The following MDGA2 variants were observed in gnomAD, a reference collection of about 807,000 sequenced individuals.
MDGA2 encodes MAM domain containing glycosylphosphatidylinositol anchor 2, also known as MAM domain-containing glycosylphosphatidylinositol anchor protein 2.
MDGA2 carries 40 observed loss-of-function variants against 117.8 expected under a neutral mutation model. That is an observed-to-expected ratio of 0.34 (90% confidence interval 0.26 to 0.44). The LOEUF (loss-of-function observed/expected upper bound fraction) is 0.44, where lower values mean the gene tolerates loss of function less well. Among genes scored for constraint, MDGA2 ranks in the 20% least tolerant of loss-of-function variants. The pLI, the probability that MDGA2 is intolerant of heterozygous loss-of-function variation, is 1.00. For missense variants in MDGA2, 1,123 were observed against 1,250.6 expected (o/e 0.90, Z 1.54); for synonymous variants, 452 against 439.0 (o/e 1.03, Z -0.37).
At chr14:47,225,362 G>T (rs866784100) in intron 2 of MDGA2, among the ~76,000 whole-genome samples, 8 of 151,410 alleles carry the variant, frequency 5.3e-5, no homozygotes, top group Non-Finnish European at 1.0e-4. Context: ...ACATGCACAC[G>T]TATGTTTATT....
intron 2 of MDGA2, among the ~76,000 whole-genome samples, chr14:47,289,304 TACACACACACACACACACAC>T (rs3039467): frequency 1.4e-5 from 2 of 140,512 alleles, no homozygotes; most frequent in African/African-American, 2.7e-5. Context: ...TTTCTGGACT[TACACACACACACACACACAC>T]ACACACACAC....
chr14:47,108,032 G>C (rs1385882602), intron 5 of MDGA2, among the ~76,000 whole-genome samples: 20 of 147,682 alleles, frequency 1.4e-4, no homozygotes, highest in Non-Finnish European at 2.8e-4. Context: ...CAGGCTCTTG[G>C]TATTCAGTGA....
intron 1 of MDGA2, among the ~76,000 whole-genome samples, chr14:47,309,732 T>C (rs1056540523): frequency 6.6e-6 from 1 of 152,126 alleles, no homozygotes; most frequent in Non-Finnish European, 1.5e-5. Flanking sequence ...TAATTTAAGT[T>C]AAATTTTAAT....
intron 1 of MDGA2, among the ~76,000 whole-genome samples, chr14:47,500,560 T>G (rs558371303): frequency 6.6e-6 from 1 of 152,102 alleles, no homozygotes; most frequent in East Asian, 1.9e-4. Context: ...TTTGGACTCT[T>G]GGGAGGATAC....
At chr14:47,415,846 G>A (rs1267133348) in intron 1 of MDGA2, among the ~76,000 whole-genome samples, 3 of 152,120 alleles carry the variant, frequency 2.0e-5, no homozygotes, top group Non-Finnish European at 2.9e-5. Context: ...GGAGGATTGA[G>A]GGACCTCTCT....
chr14:46,952,908 A>G (rs1885420059), intron 9 of MDGA2, among the ~76,000 whole-genome samples: 1 of 151,932 alleles, frequency 6.6e-6, no homozygotes, highest in Admixed American at 6.6e-5. Context: ...TTTGCATATC[A>G]TCCTATAGGC....
intron 1 of MDGA2, among the ~76,000 whole-genome samples, chr14:47,375,721 C>T (rs1403518830): frequency 1.3e-5 from 2 of 152,050 alleles, no homozygotes; most frequent in African/African-American, 4.8e-5. Context: ...TTCACATCTA[C>T]CATTTTCTAA....
At chr14:47,176,630 C>T (rs1486521585) in intron 3 of MDGA2, among the ~76,000 whole-genome samples, 2 of 152,170 alleles carry the variant, frequency 1.3e-5, no homozygotes, top group East Asian at 1.9e-4. Flanking sequence ...CCCTTCCTTA[C>T]ACCTTATACA....
chr14:47,586,064 T>C (rs1896319355), intron 1 of MDGA2, among the ~76,000 whole-genome samples: 1 of 151,814 alleles, frequency 6.6e-6, no homozygotes, highest in South Asian at 2.1e-4. Context: ...GGAAAGGAGG[T>C]ATATTGGACA....
chr14:47,128,460 CTATA>C (rs1369007700), intron 5 of MDGA2, among the ~76,000 whole-genome samples: 4 of 151,544 alleles, frequency 2.6e-5, no homozygotes, highest in Non-Finnish European at 5.9e-5. Context: ...TTCTCTGTAT[CTATA>C]TATTTCAAAA....
chr14:47,255,315 A>C (rs1887582139), intron 2 of MDGA2, among the ~76,000 whole-genome samples: 3 of 152,218 alleles, frequency 2.0e-5, no homozygotes, highest in Admixed American at 2.0e-4. Context: ...CTAGACAAAC[A>C]ACCCTCCAGG....
intron 6 of MDGA2, among the ~76,000 whole-genome samples, chr14:47,065,080 T>C (rs1890033495): frequency 6.6e-6 from 1 of 152,088 alleles, no homozygotes; most frequent in African/African-American, 2.4e-5. Flanking sequence ...GTATCATAAA[T>C]CGTGATAGAT....
intron 1 of MDGA2, among the ~76,000 whole-genome samples, chr14:47,612,193 T>TAGATAGATAGAC (rs1896859508): frequency 2.8e-5 from 4 of 145,054 alleles, no homozygotes; most frequent in African/African-American, 1.0e-4. Context: ...TCAAATGTGA[T>TAGATAGATAGAC]AGATAGATAG....
At chr14:47,625,785 G>A (rs1453870741) in intron 1 of MDGA2, among the ~76,000 whole-genome samples, 6 of 152,082 alleles carry the variant, frequency 3.9e-5, no homozygotes, top group African/African-American at 1.4e-4. Context: ...TGCTCATTAG[G>A]CTGATGGTCA....
chr14:46,903,243 T>G (rs562395557), intron 10 of MDGA2, among the ~76,000 whole-genome samples: 1 of 152,332 alleles, frequency 6.6e-6, no homozygotes, highest in African/African-American at 2.4e-5. Context: ...GAACCCAGAT[T>G]TAGCTGAACT....
intron 2 of MDGA2, among the ~76,000 whole-genome samples, chr14:47,295,973 GATAGATA>G (rs753880329): frequency 1.1e-3 from 172 of 150,780 alleles, no homozygotes; most frequent in Middle Eastern, 3.4e-3. Context: ...TAGATAGATA[GATAGATA>G]TAGTAAAGCT....
At chr14:47,236,311 AAAC>A (rs1566695130) in intron 2 of MDGA2, among the ~76,000 whole-genome samples, 401 of 150,180 alleles carry the variant, frequency 2.7e-3, no homozygotes, top group African/African-American at 3.5e-3. Flanking sequence ...AAAAAAAAAA[AAAC>A]AACACTGTGG....
chr14:47,319,260 A>G (rs907470319), intron 1 of MDGA2, among the ~76,000 whole-genome samples: 3 of 152,108 alleles, frequency 2.0e-5, no homozygotes, highest in African/African-American at 7.2e-5. Flanking sequence ...TTTGTAAATA[A>G]CATCCTTGAG....
chr14:47,663,595 G>C (rs1897889784), intron 1 of MDGA2, among the ~76,000 whole-genome samples: 1 of 152,162 alleles, frequency 6.6e-6, no homozygotes, highest in Admixed American at 6.5e-5. Flanking sequence ...GTTTAATGGT[G>C]AGCAAAGTCC....
Sources: allele counts gnomAD v4.1 joint callset (sites outside exome capture counted in the v4.1 genomes callset), GRCh38; gene constraint gnomAD v4.1.1; transcripts MANE v1.5; gene names NCBI Gene and HGNC (gene_info 2026-07-23, HGNC 2026-07-21).